The following C4orf51 variants were observed in gnomAD, a reference collection of about 807,000 sequenced individuals.
C4orf51 encodes the protein chromosome 4 open reading frame 51.
Under a neutral mutation model 25.2 loss-of-function variants are expected in C4orf51, and 25 were observed. The observed-to-expected ratio is 0.99, with a 90% CI of 0.72 to 1.39. C4orf51 has a LOEUF of 1.39. C4orf51 is among the 40% of genes most tolerant of loss of function. The pLI, the probability that C4orf51 is intolerant of heterozygous loss-of-function variation, is 0.00. For missense variants in C4orf51, 252 were observed against 239.6 expected, an observed-to-expected ratio of 1.05 and a Z score of -0.34; for synonymous variants, 100 against 84.5, an observed-to-expected ratio of 1.18 and a Z score of -1.01.
chr4:145,735,773 G>A (rs972516622), downstream of C4orf51, among the ~76,000 whole-genome samples: 1 of 152,004 alleles, frequency 6.6e-6, no homozygotes, highest in Non-Finnish European at 1.5e-5. Context: ...TTCCATAATT[G>A]CAGGCAAAGC....
chr4:145,779,926 T>C, the C4orf51 span, among the ~76,000 whole-genome samples: 7 of 152,202 alleles, frequency 4.6e-5, no homozygotes, highest in African/African-American at 1.7e-4. Context: ...CTTGGTCACT[T>C]ACACCTGTAA....
intron 2 of C4orf51, among the ~76,000 whole-genome samples, chr4:145,706,675 C>G (rs1016679391): frequency 9.2e-5 from 14 of 152,086 alleles, no homozygotes; most frequent in African/African-American, 3.4e-4. Context: ...GAGTCTCGCT[C>G]TGTCGCCCAG....
At chr4:145,789,938 T>C in the C4orf51 span, among the ~76,000 whole-genome samples, 17 of 152,380 alleles carry the variant, frequency 1.1e-4, no homozygotes, top group African/African-American at 4.1e-4. Flanking sequence ...CAACTCCTCT[T>C]TGGCCTCTTC....
rs34051922 is a variant in C4orf51 at position 145,768,916 on chromosome 4, T to TATAAAA, written n.167-2072_167-2071insATAAAA. On this transcript the variant is annotated intron_variant and non_coding_transcript_variant, in intron 1 of 1. Coordinates refer to the C4orf51 transcript ENST00000510096. ...ATATATATATATATATATATATATATTAGGTATACAAAGTTTGGAAATAGA... is the reference window on the plus strand; with the variant it reads ...ATATATATATATATATATATATATATATAAAATAGGTATACAAAGTTTGGAAATAGA... Among the ~76,000 whole-genome samples the TATAAAA allele has an allele frequency of 4.2e-3, 146 of 34,426 alleles. 36 individuals carry two copies. Among genetic ancestry groups the TATAAAA allele is most frequent in the East Asian group, 0.016 (12 of 736 alleles). The allele number at this position is 34,426 out of a possible 152,430, so 22.6% of individuals were successfully genotyped here. A position where few individuals can be genotyped will look rare whatever the true frequency, so the allele number is the denominator to read the frequency against.
At chr4:145,757,837 T>C (rs1205332799), downstream of C4orf51, 1 of 151,114 alleles carries the variant, frequency 6.6e-6, no homozygotes, top group African/African-American at 2.4e-5. Context: ...GAACATAATA[T>C]GAAGAGTTAA....
chr4:145,781,540 A>G, the C4orf51 span, among the ~76,000 whole-genome samples: 1 of 152,254 alleles, frequency 6.6e-6, no homozygotes, highest in Non-Finnish European at 1.5e-5. Flanking sequence ...TTGTTAAAAC[A>G]TAGCACTTGG....
the C4orf51 span, chr4:145,779,226 T>C: frequency 2.8e-5 from 31 of 1,112,876 alleles, no homozygotes; most frequent in South Asian, 5.8e-4. Flanking sequence ...CAAGGTCTTC[T>C]TTAAACATGC....
At chr4:145,715,725 TTTTAGA>T (rs1731375702) in intron 2 of C4orf51, among the ~76,000 whole-genome samples, 1 of 152,178 alleles carries the variant, frequency 6.6e-6, no homozygotes, top group African/African-American at 2.4e-5. Flanking sequence ...TCTCCTCTGC[TTTTAGA>T]TTCTTGATGG....
intron 1 of C4orf51, among the ~76,000 whole-genome samples, chr4:145,770,603 A>G (rs2126910937): frequency 1.3e-5 from 2 of 151,954 alleles, no homozygotes; most frequent in South Asian, 4.1e-4. Flanking sequence ...ATAAAATATA[A>G]TAATAATGAT....
chr4:145,717,945 C>G (rs961750913), intron 2 of C4orf51, among the ~76,000 whole-genome samples: 1 of 152,198 alleles, frequency 6.6e-6, no homozygotes, highest in African/African-American at 2.4e-5. Context: ...AACTTTCTCT[C>G]CATTGTACTA....
intron 2 of C4orf51, among the ~76,000 whole-genome samples, chr4:145,724,790 A>G (rs1334851409): frequency 1.4e-5 from 2 of 147,586 alleles, no homozygotes; most frequent in African/African-American, 2.5e-5. Context: ...AGGCTGAGGC[A>G]GGAGGATCCC....
At chr4:145,702,424 C>T (rs1210851947) in intron 2 of C4orf51, among the ~76,000 whole-genome samples, 1 of 152,112 alleles carries the variant, frequency 6.6e-6, no homozygotes, top group African/African-American at 2.4e-5. Flanking sequence ...ACCCATTAGG[C>T]TCAGCAAATT....
At chr4:145,687,790 A>G (rs1729265942) in intron 1 of C4orf51, among the ~76,000 whole-genome samples, 2 of 152,246 alleles carry the variant, frequency 1.3e-5, no homozygotes, top group Admixed American at 6.5e-5. Flanking sequence ...CAGGACAAAT[A>G]GGGAGCACTT....
downstream of C4orf51, among the ~76,000 whole-genome samples, chr4:145,774,326 C>G (rs1284648448): frequency 6.6e-6 from 1 of 152,092 alleles, no homozygotes; most frequent in Non-Finnish European, 1.5e-5. Flanking sequence ...ACAAGGCATG[C>G]CAGGAAACAG....
At position 145,689,865 on chromosome 4, in the gene C4orf51, A is replaced by C. The variant is rs564529505; in HGVS notation, c.234-6694A>C. On this transcript the variant is annotated intron_variant, in intron 1 of 5. Transcript: ENST00000438731. ...ACCTTTCACCATATAAAAAAAATTA[A>C]CTCAAGATGGATTAAAGACTTAAAT... Among the ~76,000 whole-genome samples, 219 of 152,264 alleles carry C rather than the reference A, an allele frequency of 1.4e-3. 2 individuals carry two copies. The highest frequency in any genetic ancestry group is 4.7e-3 in the African/African-American group (194 of 41,550).
At position 145,726,985 on chromosome 4, in the gene C4orf51, C is replaced by T. The variant is rs373518184; in HGVS notation, c.366+16C>T. ...GCATGGAGTGGTAAGCCCAACATTT[C>T]TCAGCAATCTCTTACCTGTAGAGAG... On this transcript the variant is annotated intron_variant, in intron 3 of 5. Transcript: ENST00000438731. 2 of 1,600,814 alleles carry T rather than the reference C, an allele frequency of 1.2e-6. No homozygotes were observed. Among genetic ancestry groups the T allele is most frequent in the Non-Finnish European group, 1.7e-6 (2 of 1,168,114 alleles).
chr4:145,736,115 C>T (rs1417013335), downstream of C4orf51, among the ~76,000 whole-genome samples: 2 of 151,970 alleles, frequency 1.3e-5, no homozygotes, highest in Non-Finnish European at 2.9e-5. Flanking sequence ...AGGTTTGAAC[C>T]CTAATGACAA....
At chr4:145,681,941 G>A (rs962113815) in intron 1 of C4orf51, among the ~76,000 whole-genome samples, 13 of 152,128 alleles carry the variant, frequency 8.5e-5, no homozygotes, top group Admixed American at 8.5e-4. Flanking sequence ...CATAACAGGA[G>A]TCTTTAAGCA....
chr4:145,752,042 G>A (rs1209137730), intron 1 of C4orf51, among the ~76,000 whole-genome samples: 1 of 152,200 alleles, frequency 6.6e-6, no homozygotes, highest in Non-Finnish European at 1.5e-5. Flanking sequence ...CACCTGTCAG[G>A]GCAGTGGGCT....
Sources: gnomAD v4.1 joint callset for allele counts (sites outside exome capture counted in the v4.1 genomes callset) on GRCh38, gnomAD v4.1.1 for gene constraint, MANE v1.5 for transcripts, NCBI Gene and HGNC (gene_info 2026-07-23, HGNC 2026-07-21) for gene names.